Variants in SLC39A11 observed in about 807,000 individuals in gnomAD.
SLC39A11 encodes the protein zinc transporter ZIP11.
Under a neutral mutation model 36.1 loss-of-function variants are expected in SLC39A11, and 33 were observed. The observed-to-expected ratio is 0.91, with a 90% CI of 0.69 to 1.22. The LOEUF (loss-of-function observed/expected upper bound fraction) is 1.22, where lower values mean the gene tolerates loss of function less well. Among genes scored for constraint, SLC39A11 ranks in the 50% most tolerant of loss-of-function variants. The pLI is 0.00. For missense variants in SLC39A11, 432 were observed against 430.3 expected (o/e 1.00, Z -0.03); for synonymous variants, 166 against 170.3 (o/e 0.97, Z 0.20).
intron 5 of SLC39A11, among the ~76,000 whole-genome samples, chr17:72,923,507 G>A (rs1237852618): frequency 1.3e-5 from 2 of 152,202 alleles, no homozygotes; most frequent in Non-Finnish European, 2.9e-5. Flanking sequence ...ATAAGCTTTG[G>A]AGCTGGGCAG....
intron 4 of SLC39A11, among the ~76,000 whole-genome samples, chr17:72,997,342 C>T (rs1392436346): frequency 2.0e-5 from 3 of 152,288 alleles, no homozygotes; most frequent in South Asian, 2.1e-4. Flanking sequence ...CAACCTCCGC[C>T]TCCCAGGTTC....
chr17:72,939,029 A>G (rs1200854246), intron 5 of SLC39A11, among the ~76,000 whole-genome samples: 1 of 152,122 alleles, frequency 6.6e-6, no homozygotes, highest in Non-Finnish European at 1.5e-5. Flanking sequence ...CCTCCTTTGT[A>G]TAAGACAAAC....
intron 5 of SLC39A11, among the ~76,000 whole-genome samples, chr17:72,891,616 C>A (rs2081747796): frequency 6.6e-6 from 1 of 151,962 alleles, no homozygotes; most frequent in African/African-American, 2.4e-5. Context: ...CAAAAATACT[C>A]CCTGGTCACT....
chr17:72,667,983 G>A (rs1212336803), intron 7 of SLC39A11, among the ~76,000 whole-genome samples: 1 of 152,222 alleles, frequency 6.6e-6, no homozygotes, highest in Non-Finnish European at 1.5e-5. Flanking sequence ...GTGTGGCCAT[G>A]CTGCCTCCCA....
chr17:72,989,636 C>G (rs952236950), intron 4 of SLC39A11, among the ~76,000 whole-genome samples: 1 of 152,080 alleles, frequency 6.6e-6, no homozygotes, highest in African/African-American at 2.4e-5. Flanking sequence ...TGTCATGCAC[C>G]CTCACCTTCC....
intron 7 of SLC39A11, among the ~76,000 whole-genome samples, chr17:72,678,509 A>C (rs2144266388): frequency 6.6e-6 from 1 of 152,228 alleles, no homozygotes; most frequent in Admixed American, 6.5e-5. Context: ...GTTTAAGACT[A>C]GCCTGGCCAA....
chr17:72,792,561 G>C (rs2076747139), intron 6 of SLC39A11, among the ~76,000 whole-genome samples: 1 of 152,176 alleles, frequency 6.6e-6, no homozygotes, highest in African/African-American at 2.4e-5. Context: ...GGAGGTGATA[G>C]AGCTAGCATT....
intron 6 of SLC39A11, among the ~76,000 whole-genome samples, chr17:72,834,687 A>C (rs2078444279): frequency 6.6e-6 from 1 of 152,240 alleles, no homozygotes; most frequent in South Asian, 2.1e-4. Context: ...ACCATGTTCT[A>C]GCCAATACCT....
chr17:72,918,153 A>C (rs1471016225), intron 5 of SLC39A11, among the ~76,000 whole-genome samples: 1 of 152,216 alleles, frequency 6.6e-6, no homozygotes, highest in East Asian at 1.9e-4. Context: ...TCACGCCTGT[A>C]ATCCCAGCAC....
chr17:72,694,600 C>T (rs2072200140), intron 7 of SLC39A11, among the ~76,000 whole-genome samples: 1 of 152,228 alleles, frequency 6.6e-6, no homozygotes, highest in East Asian at 1.9e-4. Context: ...TGGGTCACCT[C>T]CAGTGGTTCC....
chr17:73,082,840 A>G (rs7216571), intron 3 of SLC39A11, among the ~76,000 whole-genome samples: 120,662 of 151,372 alleles, frequency 0.8, 48,215 homozygotes, highest in East Asian at 0.88. Flanking sequence ...GCAAAACCCC[A>G]TCTCTACTAA....
intron 5 of SLC39A11, among the ~76,000 whole-genome samples, chr17:72,900,959 G>A (rs1473196317): frequency 8.1e-6 from 1 of 122,850 alleles, no homozygotes; most frequent in Admixed American, 8.5e-5. Flanking sequence ...GCCTATTAGA[G>A]GGAAACAAAC....
chr17:72,888,171 G>C (rs1032411634), intron 5 of SLC39A11, among the ~76,000 whole-genome samples: 1 of 152,176 alleles, frequency 6.6e-6, no homozygotes, highest in African/African-American at 2.4e-5. Context: ...CTGTGCATGA[G>C]GTGGAGAACC....
chr17:72,737,805 C>G (rs1247213207), intron 6 of SLC39A11, among the ~76,000 whole-genome samples: 3 of 152,072 alleles, frequency 2.0e-5, no homozygotes, highest in Non-Finnish European at 4.4e-5. Flanking sequence ...CTAGATCCAT[C>G]GCAGCCTCAG....
At chr17:73,076,666 A>C (rs1036436522) in intron 3 of SLC39A11, among the ~76,000 whole-genome samples, 14 of 152,318 alleles carry the variant, frequency 9.2e-5, no homozygotes, top group African/African-American at 3.1e-4. Flanking sequence ...TTACGATACC[A>C]CACAGGATGG....
chr17:72,730,105 C>G (rs11871756), intron 7 of SLC39A11, among the ~76,000 whole-genome samples: 16,645 of 152,200 alleles, frequency 0.11, 992 homozygotes, highest in African/African-American at 0.13. Flanking sequence ...GACTGGGCTA[C>G]AGTTTATATA....
At chr17:72,701,065 G>A (rs529578827) in intron 7 of SLC39A11, among the ~76,000 whole-genome samples, 8 of 152,348 alleles carry the variant, frequency 5.3e-5, no homozygotes, top group South Asian at 4.1e-4. Flanking sequence ...CAGATGGGAC[G>A]ACGTGCTTGG....
chr17:72,889,474 T>C (rs1337068872), intron 5 of SLC39A11, among the ~76,000 whole-genome samples: 2 of 151,628 alleles, frequency 1.3e-5, no homozygotes, highest in Non-Finnish European at 2.9e-5. Context: ...GAGGTGGAGG[T>C]TGCAGTGAGC....
At chr17:72,767,085 G>C (rs1044999874) in intron 6 of SLC39A11, among the ~76,000 whole-genome samples, 1 of 152,194 alleles carries the variant, frequency 6.6e-6, no homozygotes, top group Admixed American at 6.5e-5. Context: ...CCATAAGAGA[G>C]AGAGCTCCTG....
Sources: gnomAD v4.1 joint callset for allele counts (sites outside exome capture counted in the v4.1 genomes callset) on GRCh38, gnomAD v4.1.1 for gene constraint, MANE v1.5 for transcripts, NCBI Gene and HGNC (gene_info 2026-07-23, HGNC 2026-07-21) for gene names.